IGSF11: variants seen among roughly 807,000 people sequenced by gnomAD.
IGSF11 encodes the protein immunoglobulin superfamily member 11.
Under a neutral mutation model 41.0 loss-of-function variants are expected in IGSF11, and 22 were observed. That is an observed-to-expected ratio of 0.54 (90% CI 0.38 to 0.77). IGSF11 has a LOEUF of 0.77. IGSF11 is among the 30% of genes least tolerant of loss of function. The pLI is 0.00. For missense variants in IGSF11, 444 were observed against 530.8 expected, an observed-to-expected ratio of 0.84 and a Z score of 1.61; for synonymous variants, 219 against 201.3, an observed-to-expected ratio of 1.09 and a Z score of -0.74.
chr3:118,917,533 T>C (rs1233224276), intron 4 of IGSF11, among the ~76,000 whole-genome samples: 13 of 131,450 alleles, frequency 9.9e-5, no homozygotes, highest in African/African-American at 3.1e-5. Context: ...CCTCGACACA[T>C]ACACTCTCCC....
upstream of IGSF11, among the ~76,000 whole-genome samples, chr3:119,107,676 G>A (rs984627011): frequency 2.6e-5 from 4 of 152,138 alleles, no homozygotes; most frequent in Admixed American, 6.5e-5. Context: ...CCTATGTCCT[G>A]AATGGTAATG....
upstream of IGSF11, among the ~76,000 whole-genome samples, chr3:119,105,544 A>T (rs2107510637): frequency 6.6e-6 from 1 of 152,198 alleles, no homozygotes; most frequent in Middle Eastern, 3.4e-3. Context: ...CTCCTATATT[A>T]CTCCTTGTAG....
chr3:119,103,766 G>T (rs1384087730), intron 1 of IGSF11, among the ~76,000 whole-genome samples: 1 of 151,742 alleles, frequency 6.6e-6, no homozygotes, highest in Non-Finnish European at 1.5e-5. Context: ...TACCAATCCT[G>T]CTTCTTACTA....
intron 1 of IGSF11, among the ~76,000 whole-genome samples, chr3:119,101,625 C>A (rs1019104292): frequency 6.6e-6 from 1 of 152,146 alleles, no homozygotes; most frequent in African/African-American, 2.4e-5. Context: ...AATGGATATA[C>A]CATAATTTAT....
intron 1 of IGSF11, among the ~76,000 whole-genome samples, chr3:119,034,170 AC>A (rs1405147187): frequency 2.6e-5 from 4 of 152,250 alleles, no homozygotes; most frequent in African/African-American, 9.6e-5. Context: ...CCTAGTAAAG[AC>A]AACTGGTTCT....
intron 1 of IGSF11, among the ~76,000 whole-genome samples, chr3:119,045,203 G>A (rs1052738953): frequency 6.6e-6 from 1 of 152,188 alleles, no homozygotes; most frequent in African/African-American, 2.4e-5. Context: ...CACAGAATAT[G>A]GGTGATTTCT....
At chr3:119,044,485 TTTGAGGAAATAA>T (rs1401660024) in intron 1 of IGSF11, among the ~76,000 whole-genome samples, 2 of 152,258 alleles carry the variant, frequency 1.3e-5, no homozygotes, top group East Asian at 3.9e-4. Context: ...GGAAAAAGTA[TTTGAGGAAATAA>T]TTGAGGAAAA....
chr3:119,004,090 T>TC (rs1345153977), intron 1 of IGSF11, among the ~76,000 whole-genome samples: 1 of 150,648 alleles, frequency 6.6e-6, no homozygotes, highest in Non-Finnish European at 1.5e-5. Context: ...ATCCATCTGG[T>TC]CCTGGACTCT....
chr3:119,093,362 G>A (rs545097126), intron 1 of IGSF11, among the ~76,000 whole-genome samples: 8 of 151,420 alleles, frequency 5.3e-5, no homozygotes, highest in East Asian at 1.9e-4. Context: ...AGAACTCCCC[G>A]AAGAAGCTGC....
intron 1 of IGSF11, among the ~76,000 whole-genome samples, chr3:119,116,251 T>C (rs1335107544): frequency 2.0e-5 from 3 of 152,154 alleles, no homozygotes; most frequent in Non-Finnish European, 4.4e-5. Flanking sequence ...TGAAGGAATA[T>C]GCTCTTTTTT....
At chr3:118,952,332 A>C (rs936215785) in intron 1 of IGSF11, among the ~76,000 whole-genome samples, 2 of 152,136 alleles carry the variant, frequency 1.3e-5, no homozygotes, top group Non-Finnish European at 2.9e-5. Context: ...TCCTTTCATG[A>C]AAGATTTCTC....
chr3:119,057,703 C>G (rs531717885), intron 1 of IGSF11, among the ~76,000 whole-genome samples: 1 of 152,186 alleles, frequency 6.6e-6, no homozygotes, highest in Non-Finnish European at 1.5e-5. Context: ...GCAGGCATCA[C>G]GCTACCTGAC....
At chr3:118,932,038 T>C (rs1942904406) in intron 1 of IGSF11, among the ~76,000 whole-genome samples, 1 of 152,126 alleles carries the variant, frequency 6.6e-6, no homozygotes, top group South Asian at 2.1e-4. Flanking sequence ...TGGCCAAAAG[T>C]CACTGAATTT....
At chr3:119,098,920 A>G (rs528002496) in intron 1 of IGSF11, among the ~76,000 whole-genome samples, 1 of 151,730 alleles carries the variant, frequency 6.6e-6, no homozygotes, top group Admixed American at 6.5e-5. Flanking sequence ...ATGTTTTCAG[A>G]AAAAAAGTTT....
In IGSF11 at chr3:119,029,275, C is replaced by CA. The variant is rs1553716797; in HGVS notation, c.52+5255_52+5256insT. On this transcript the variant is annotated intron_variant, in intron 1 of 6. Coordinates refer to ENST00000393775, the MANE Select transcript of IGSF11 (RefSeq NM_001015887.3). ...ACACACACACACACACACACACACA[C>CA]CCGAGAGAGAGAGAGAATGCGAGAG... Among the ~76,000 whole-genome samples, 676 of 145,536 alleles carry CA rather than the reference C, an allele frequency of 4.6e-3. 3 individuals carry two copies. Among genetic ancestry groups the CA allele is most frequent in the Middle Eastern group, 0.017 (5 of 292 alleles).
At chr3:119,016,370 G>A (rs1258145521) in intron 1 of IGSF11, among the ~76,000 whole-genome samples, 1 of 152,138 alleles carries the variant, frequency 6.6e-6, no homozygotes, top group Non-Finnish European at 1.5e-5. Context: ...TGACAAAGAT[G>A]ATGGTCATTT....
At position 119,132,838 on chromosome 3, in the gene IGSF11, TA is replaced by T. The variant is rs532283389; in HGVS notation, c.-14+12974del. 9.2e-5 allele frequency among the ~76,000 whole-genome samples: 14 copies of T among 152,056 alleles called. No individual in the cohort carries two copies. In the East Asian group the frequency reaches 2.5e-3, roughly 27 times the overall value. On this transcript the variant is annotated intron_variant, in intron 1 of 7. Transcript: ENST00000425327. ...GAAGTAAAGCACTCCTCAGCAAATG[TA>T]AAAAAATGGAAATCACAACAAACTA...
chr3:119,137,074 G>C (rs2077573114), intron 1 of IGSF11, among the ~76,000 whole-genome samples: 1 of 150,300 alleles, frequency 6.7e-6, no homozygotes, highest in Non-Finnish European at 1.5e-5. Context: ...AAATTGAGGA[G>C]GACACCAAAA....
chr3:118,939,095 G>A (rs547234213), intron 1 of IGSF11, among the ~76,000 whole-genome samples: 4 of 152,254 alleles, frequency 2.6e-5, no homozygotes, highest in South Asian at 4.1e-4. Flanking sequence ...ACTTTAGGAT[G>A]TTCTACCTAA....
Sources: allele counts gnomAD v4.1 joint callset (sites outside exome capture counted in the v4.1 genomes callset), GRCh38; gene constraint gnomAD v4.1.1; transcripts MANE v1.5; gene names NCBI Gene and HGNC (gene_info 2026-07-23, HGNC 2026-07-21).